NUBPL: variants seen among roughly 807,000 people sequenced by gnomAD.
NUBPL encodes NUBP iron-sulfur cluster assembly factor, mitochondrial.
NUBPL carries 31 observed loss-of-function variants against 45.7 expected under a neutral mutation model. The observed-to-expected ratio is 0.68, with a 90% confidence interval of 0.51 to 0.92. The LOEUF is 0.92. NUBPL is among the 40% of genes least tolerant of loss of function. The pLI, the probability that NUBPL is intolerant of heterozygous loss-of-function variation, is 0.00. For synonymous variants in NUBPL, 144 were observed against 140.9 expected (o/e 1.02, Z -0.15); for missense variants, 401 against 398.7 (o/e 1.01, Z -0.05).
intron 4 of NUBPL, among the ~76,000 whole-genome samples, chr14:31,623,802 C>G (rs2035133164): frequency 6.6e-6 from 1 of 152,112 alleles, no homozygotes; most frequent in Non-Finnish European, 1.5e-5. Flanking sequence ...TTAAAAGTTG[C>G]ACAATGTAAG....
intron 4 of NUBPL, among the ~76,000 whole-genome samples, chr14:31,602,422 T>C (rs999401711): frequency 6.7e-6 from 1 of 148,198 alleles, no homozygotes; most frequent in Non-Finnish European, 1.5e-5. Context: ...AAAGCAGACA[T>C]GGAAGACTGT....
intron 4 of NUBPL, among the ~76,000 whole-genome samples, chr14:31,670,225 T>C (rs1415432622): frequency 6.6e-6 from 1 of 152,224 alleles, no homozygotes; most frequent in African/African-American, 2.4e-5. Flanking sequence ...ATTTCTCTCA[T>C]GATCAGTGAT....
At chr14:31,741,729 T>A (rs2038288462) in intron 6 of NUBPL, among the ~76,000 whole-genome samples, 1 of 152,008 alleles carries the variant, frequency 6.6e-6, no homozygotes, top group Non-Finnish European at 1.5e-5. Flanking sequence ...TAAGTTTTTC[T>A]CCCATGGCAC....
chr14:31,591,535 T>A (rs1365845353), intron 3 of NUBPL, among the ~76,000 whole-genome samples: 1 of 152,220 alleles, frequency 6.6e-6, no homozygotes, highest in Non-Finnish European at 1.5e-5. Flanking sequence ...AGTCTATTTT[T>A]TTTGGAGTTG....
rs190720002 is a variant in NUBPL at position 31,597,166 on chromosome 14, A to C, written c.292-2123A>C. The stretch of plus-strand genomic sequence containing the variant: ...CCTTTGTTTCCTTTTTGATATATGC[A>C]AGCATTGGTACTAAATTTAGGTCAG... On this transcript the variant is annotated intron_variant, in intron 3 of 10. Transcript: ENST00000281081. Among the ~76,000 whole-genome samples, 354 of 152,144 alleles carry C rather than the reference A, an allele frequency of 2.3e-3. 1 individual carries two copies. The highest frequency in any genetic ancestry group is 8.3e-3 in the African/African-American group (346 of 41,456).
At chr14:31,627,189 G>T (rs1293042449) in intron 4 of NUBPL, among the ~76,000 whole-genome samples, 2 of 152,058 alleles carry the variant, frequency 1.3e-5, no homozygotes, top group Admixed American at 1.3e-4. Context: ...AAAGGGAATT[G>T]AAATGATTTT....
chr14:31,808,576 G>T (rs1008917323), intron 7 of NUBPL, among the ~76,000 whole-genome samples: 8 of 152,078 alleles, frequency 5.3e-5, no homozygotes, highest in African/African-American at 1.7e-4. Flanking sequence ...AGGGACAACT[G>T]GACTTCCTCT....
intron 4 of NUBPL, among the ~76,000 whole-genome samples, chr14:31,622,999 C>G (rs1196756985): frequency 6.6e-6 from 1 of 152,256 alleles, no homozygotes; most frequent in Non-Finnish European, 1.5e-5. Context: ...AATGTCAGTT[C>G]ATGAAAGCAG....
intron 4 of NUBPL, among the ~76,000 whole-genome samples, chr14:31,607,112 G>C (rs1271015454): frequency 2.6e-5 from 4 of 152,164 alleles, no homozygotes; most frequent in African/African-American, 9.7e-5. Flanking sequence ...TGGGCACAGT[G>C]GCTCACGACT....
intron 4 of NUBPL, among the ~76,000 whole-genome samples, chr14:31,617,021 T>C (rs1161823485): frequency 6.6e-6 from 1 of 152,152 alleles, no homozygotes; most frequent in Non-Finnish European, 1.5e-5. Context: ...AGGTATTTTA[T>C]GTTCTTTGTA....
At chr14:31,676,118 G>C (rs533418779) in intron 6 of NUBPL, among the ~76,000 whole-genome samples, 206 of 152,094 alleles carry the variant, frequency 1.4e-3, no homozygotes, top group African/African-American at 4.9e-3. Context: ...CGCCTCCCAG[G>C]TTTAAGCAAT....
chr14:31,650,211 A>G (rs1237615454), intron 4 of NUBPL, among the ~76,000 whole-genome samples: 1 of 152,068 alleles, frequency 6.6e-6, no homozygotes, highest in Non-Finnish European at 1.5e-5. Context: ...TTGTATTGAT[A>G]TAAGTTCAAG....
At chr14:31,588,179 C>T (rs1170134831) in intron 3 of NUBPL, among the ~76,000 whole-genome samples, 1 of 152,158 alleles carries the variant, frequency 6.6e-6, no homozygotes, top group Admixed American at 6.5e-5. Flanking sequence ...TGACCTTGGG[C>T]AAGTTACTAA....
chr14:31,698,225 C>T (rs149795695), intron 6 of NUBPL, among the ~76,000 whole-genome samples: 24 of 152,116 alleles, frequency 1.6e-4, no homozygotes, highest in Non-Finnish European at 3.5e-4. Flanking sequence ...GGTGTATCTT[C>T]CAATCTATGG....
intron 6 of NUBPL, among the ~76,000 whole-genome samples, chr14:31,780,584 G>T (rs1448724324): frequency 6.6e-6 from 1 of 152,036 alleles, no homozygotes; most frequent in Non-Finnish European, 1.5e-5. Context: ...TAACAATTAA[G>T]TTATGACTTA....
At chr14:31,826,748 A>G in intron 8 of NUBPL, 34 bp downstream of exon 8, 1 of 1,563,938 alleles carries the variant, frequency 6.4e-7, no homozygotes, top group Non-Finnish European at 8.8e-7. Context: ...GAAAAATATA[A>G]AACTCTTCTA....
chr14:31,711,492 C>T (rs924952499), intron 6 of NUBPL, among the ~76,000 whole-genome samples: 3 of 151,872 alleles, frequency 2.0e-5, no homozygotes, highest in South Asian at 2.1e-4. Context: ...TGGCAATAGG[C>T]GATAGTCTTA....
chr14:31,648,550 G>T (rs904979371), intron 4 of NUBPL, among the ~76,000 whole-genome samples: 1 of 151,828 alleles, frequency 6.6e-6, no homozygotes. Context: ...GATATTACAT[G>T]TGTGTATTTG....
At chr14:31,574,651 C>T (rs1257643013) in intron 3 of NUBPL, among the ~76,000 whole-genome samples, 3 of 137,010 alleles carry the variant, frequency 2.2e-5, no homozygotes, top group Non-Finnish European at 4.6e-5. Context: ...AGTGCAGTGG[C>T]CTGGTCTTGG....
Sources: allele counts gnomAD v4.1 joint callset (sites outside exome capture counted in the v4.1 genomes callset), GRCh38; gene constraint gnomAD v4.1.1; transcripts MANE v1.5; gene names NCBI Gene and HGNC (gene_info 2026-07-23, HGNC 2026-07-21).